Variants in TAF4B observed in about 807,000 individuals in gnomAD.
The protein encoded by TAF4B is TATA-box binding protein associated factor 4b, also known as transcription initiation factor TFIID subunit 4B.
In TAF4B, 38 loss-of-function variants were observed where a neutral mutation model predicts 86.4. The observed-to-expected ratio is 0.44, with a 90% CI of 0.34 to 0.58. TAF4B has a LOEUF of 0.58. Ranked by LOEUF, TAF4B falls within the 20% of genes least tolerant of loss-of-function variation. The probability of loss-of-function intolerance (pLI) is 0.02; values close to 1 mark genes in which losing one functional copy is unlikely to be tolerated. For synonymous variants in TAF4B, 388 were observed against 391.2 expected, an observed-to-expected ratio of 0.99 and a Z score of 0.10; for missense variants, 988 against 1,027.6, an observed-to-expected ratio of 0.96 and a Z score of 0.53.
chr18:26,294,272 G>A (rs2056633896), intron 9 of TAF4B, among the ~76,000 whole-genome samples: 1 of 152,010 alleles, frequency 6.6e-6, no homozygotes, highest in South Asian at 2.1e-4. Context: ...CCAACTTTGT[G>A]AGCAATTGGT....
intron 1 of TAF4B, among the ~76,000 whole-genome samples, chr18:26,229,664 G>A (rs1598698972): frequency 6.6e-6 from 1 of 151,684 alleles, no homozygotes; most frequent in African/African-American, 2.4e-5. Flanking sequence ...CACCATGCTC[G>A]GCTAAATTTT....
At chr18:26,347,031 C>T (rs1246087509) in intron 13 of TAF4B, among the ~76,000 whole-genome samples, 1 of 148,106 alleles carries the variant, frequency 6.8e-6, no homozygotes, top group African/African-American at 2.5e-5. Context: ...TGCCATTCTC[C>T]TGCGTCAGCC....
chr18:26,365,647 T>A (rs1567924382), intron 14 of TAF4B, among the ~76,000 whole-genome samples: 2 of 152,222 alleles, frequency 1.3e-5, no homozygotes, highest in Non-Finnish European at 2.9e-5. Flanking sequence ...ATTTGTGGAC[T>A]TAATTATTTT....
intron 14 of TAF4B, among the ~76,000 whole-genome samples, chr18:26,374,302 A>G (rs749660501): frequency 1.2e-4 from 19 of 152,206 alleles, no homozygotes; most frequent in African/African-American, 3.1e-4. Context: ...GATAATTTCT[A>G]TGAGCTTTCA....
At chr18:26,235,440 G>A (rs1484333245) in intron 1 of TAF4B, among the ~76,000 whole-genome samples, 1 of 152,168 alleles carries the variant, frequency 6.6e-6, no homozygotes, top group Admixed American at 6.5e-5. Flanking sequence ...GGCAGAGCTG[G>A]GCCTTCAATT....
chr18:26,282,576 A>T (rs142696201), intron 6 of TAF4B, among the ~76,000 whole-genome samples: 1 of 152,338 alleles, frequency 6.6e-6, no homozygotes, highest in East Asian at 1.9e-4. Context: ...AAAGAGTCTT[A>T]CCTCAATGTT....
intron 5 of TAF4B, among the ~76,000 whole-genome samples, chr18:26,277,845 A>G (rs879646246): frequency 3.9e-5 from 6 of 152,252 alleles, no homozygotes; most frequent in Non-Finnish European, 7.3e-5. Context: ...TAAGATATCA[A>G]AATAACATGC....
intron 1 of TAF4B, among the ~76,000 whole-genome samples, chr18:26,261,707 T>C (rs2056170138): frequency 6.6e-6 from 1 of 152,186 alleles, no homozygotes; most frequent in Non-Finnish European, 1.5e-5. Flanking sequence ...TTTAGGCCAG[T>C]GTTTGAGGTT....
intron 11 of TAF4B, among the ~76,000 whole-genome samples, chr18:26,321,960 A>G (rs2056967050): frequency 6.6e-6 from 1 of 152,202 alleles, no homozygotes; most frequent in African/African-American, 2.4e-5. Context: ...GGTATGAACC[A>G]AATGACTTGC....
At chr18:26,388,391 T>C (rs528248231) in intron 14 of TAF4B, among the ~76,000 whole-genome samples, 2 of 152,368 alleles carry the variant, frequency 1.3e-5, no homozygotes, top group Admixed American at 6.5e-5. Flanking sequence ...ACATTCAGTT[T>C]AGAAAATATT....
At chr18:26,334,297 A>G (rs2057073883) in intron 12 of TAF4B, among the ~76,000 whole-genome samples, 1 of 152,164 alleles carries the variant, frequency 6.6e-6, no homozygotes, top group African/African-American at 2.4e-5. Flanking sequence ...TATCAGGTAA[A>G]CTTATTAAAT....
At chr18:26,276,952 A>C (rs565881685) in intron 5 of TAF4B, among the ~76,000 whole-genome samples, 11 of 152,334 alleles carry the variant, frequency 7.2e-5, no homozygotes, top group African/African-American at 2.6e-4. Context: ...TTACTTTAGA[A>C]CGACAAACAG....
At chr18:26,304,370 T>G (rs534163982) in intron 9 of TAF4B, among the ~76,000 whole-genome samples, 1 of 152,268 alleles carries the variant, frequency 6.6e-6, no homozygotes, top group South Asian at 2.1e-4. Context: ...ATAAAGTATT[T>G]AAAAATAAAA....
At chr18:26,280,533 A>T (rs2056435490) in intron 5 of TAF4B, among the ~76,000 whole-genome samples, 1 of 152,226 alleles carries the variant, frequency 6.6e-6, no homozygotes, top group Non-Finnish European at 1.5e-5. Context: ...ACATACAAGC[A>T]GCCAACAAAC....
In TAF4B at chr18:26,361,864, G is replaced by A. The variant is rs117004856; in HGVS notation, c.2421+4070G>A. ...GACAACTCACTGCTCTTTGTTTTTGGTCCATTTGTATATGATATGTGTAAA... is the reference window on the plus strand; with the variant it reads ...GACAACTCACTGCTCTTTGTTTTTGATCCATTTGTATATGATATGTGTAAA... On this transcript the variant is annotated intron_variant, in intron 14 of 14. Transcript: ENST00000269142. 4.1e-3 allele frequency among the ~76,000 whole-genome samples: 621 copies of A among 151,958 alleles called. 5 individuals are homozygous for A. Among genetic ancestry groups the A allele is most frequent in the Non-Finnish European group, 6.9e-3 (470 of 67,972 alleles).
chr18:26,374,926 T>C (rs996820795), intron 14 of TAF4B, among the ~76,000 whole-genome samples: 3 of 152,184 alleles, frequency 2.0e-5, no homozygotes, highest in African/African-American at 7.2e-5. Context: ...TTCATCGAGA[T>C]ATAATTCATG....
chr18:26,361,104 G>T (rs560930692), intron 14 of TAF4B, among the ~76,000 whole-genome samples: 1 of 151,072 alleles, frequency 6.6e-6, no homozygotes, highest in Non-Finnish European at 1.5e-5. Context: ...TTATTTTTAC[G>T]TGTATAATTA....
chr18:26,295,191 G>A (rs1248995885), intron 9 of TAF4B: 1 of 396,532 alleles, frequency 2.5e-6, no homozygotes, highest in Non-Finnish European at 5.1e-6. Context: ...CATTTTATTT[G>A]TAGGTCTACT....
rs115685079 is a variant in TAF4B, at chr18:26,270,789, T to A, written c.597+3166T>A. The stretch of plus-strand genomic sequence containing the variant: ...ATCTTTACTAAGCTTAAACTAAAAC[T>A]TAGAATTTCTTTCAGCTACAAATGT... On this transcript the variant is annotated intron_variant, in intron 3 of 14. Coordinates refer to ENST00000269142, the MANE Select transcript of TAF4B (RefSeq NM_005640.3). Among the ~76,000 whole-genome samples, 1,503 of 152,330 alleles carry A rather than the reference T, an allele frequency of 9.9e-3. 12 individuals are homozygous for A. Among genetic ancestry groups the A allele is most frequent in the African/African-American group, 0.034 (1,397 of 41,572 alleles).
Sources: gnomAD v4.1 joint callset for allele counts (sites outside exome capture counted in the v4.1 genomes callset) on GRCh38, gnomAD v4.1.1 for gene constraint, MANE v1.5 for transcripts, NCBI Gene and HGNC (gene_info 2026-07-23, HGNC 2026-07-21) for gene names.